The following SRPK3 variants were observed in gnomAD, a reference collection of about 807,000 sequenced individuals.
SRPK3 encodes SRSF protein kinase 3, also known as SFRS protein kinase 3.
Under a neutral mutation model 45.3 loss-of-function variants are expected in SRPK3, and 26 were observed. The observed-to-expected ratio is 0.57, with a 90% CI of 0.42 to 0.80. The LOEUF is 0.80. SRPK3 is among the 30% of genes least tolerant of loss of function. SRPK3 has a pLI of 0.00. For synonymous variants in SRPK3, 254 were observed against 226.6 expected, an observed-to-expected ratio of 1.12 and a Z score of -1.09; for missense variants, 536 against 514.5, an observed-to-expected ratio of 1.04 and a Z score of -0.40.
intron 8 of SRPK3, 24 bp from the exon 9 acceptor site, chrX:153,783,728 C>T: frequency 8.3e-7 from 1 of 1,209,582 alleles, no homozygotes. Flanking sequence ...GACAGGAACC[C>T]TGGGGTGACC....
At position 153,781,136 on chromosome X, in the gene SRPK3, G is replaced by C; in HGVS notation, c.50G>C (p.Ser17Thr). 3.5e-6 allele frequency: 4 copies of C among 1,156,560 alleles called. No homozygotes were observed. Among genetic ancestry groups the C allele is most frequent in the Non-Finnish European group, 4.6e-6 (4 of 868,980 alleles). ...GGGGACAGCGGCGGCAGCGGCGGCA[G>C]TAGCAGCAGGTAGGGCTCGGCTGGG... is the stretch of plus-strand genomic sequence containing the variant. ...GGGDSGGSGGSSSSSQASCGP... is the reference protein window; with the variant it reads ...GGGDSGGSGGTSSSSQASCGP... Residue 17 changes from serine (S) to threonine (T), a missense_variant, in exon 1 of 15, where the codon AGT (serine) becomes ACT (threonine). Transcript: ENST00000370101.
rs782105759 is a variant in SRPK3, at chrX:153,785,181, C to A, written c.1519+8C>A. ...AGTTCTTCAACCGGAGAGGTGAGGG[C>A]CCGGGCAGCCTCAGGCCATGTGGCT... On this transcript the variant is annotated splice_region_variant and intron_variant, in intron 14 of 14. Transcript: ENST00000370101. 1 of 1,205,466 alleles carries A rather than the reference C, an allele frequency of 8.3e-7. No homozygotes were observed. The highest frequency in any genetic ancestry group is 1.1e-6 in the Non-Finnish European group (1 of 892,390).
intron 9 of SRPK3, 43 bp from the exon 10 acceptor site, chrX:153,783,931 G>A: frequency 2.5e-6 from 3 of 1,196,630 alleles, no homozygotes; most frequent in Non-Finnish European, 3.4e-6. Flanking sequence ...AGCAAAGGCT[G>A]CAAGACATCT....
intron 11 of SRPK3, 75 bp from the exon 12 acceptor site, chrX:153,784,675 C>T (rs782393885): frequency 3.1e-5 from 35 of 1,124,681 alleles, no homozygotes; most frequent in African/African-American, 8.9e-5. Flanking sequence ...GTAGGCGGAT[C>T]GGGGTGGGGC....
rs375627608 is a variant in SRPK3, at chrX:153,783,110, G to A, written c.740G>A (p.Arg247His). Residue 247 changes from arginine to histidine, a missense_variant, in exon 7 of 15, where the codon CGC becomes CAC. Transcript: ENST00000370101. ...WQQAGAPPPS[R>H]SIVSTAPQEV... ...CAGGCAGGGGCGCCGCCCCCCTCCCGCTCCATAGGTACCAAGGGCCCACAT... is the reference window on the plus strand; with the variant it reads ...CAGGCAGGGGCGCCGCCCCCCTCCCACTCCATAGGTACCAAGGGCCCACAT... 202 of 1,164,933 alleles carry A rather than the reference G, an allele frequency of 1.7e-4. No homozygotes were observed. Among genetic ancestry groups the A allele is most frequent in the Non-Finnish European group, 2.2e-4 (193 of 874,359 alleles).
At position 153,785,164 on chromosome X, in the gene SRPK3, A is replaced by G; in HGVS notation, c.1510A>G (p.Asn504Asp). The G allele has an allele frequency of 2.5e-6, 3 of 1,208,659 alleles. No individual in the cohort carries two copies. Among genetic ancestry groups the G allele is most frequent in the Non-Finnish European group, 3.4e-6 (3 of 894,404 alleles). The change falls in exon 14 of 15, where the codon AAC becomes GAC. Residue 504 changes from asparagine (N) to aspartate (D), a missense_variant. Coordinates refer to ENST00000370101, the MANE Select transcript of SRPK3 (RefSeq NM_014370.4). ...AGGCCGCTATTCCCGGGAGTTCTTC[A>G]ACCGGAGAGGTGAGGGCCCGGGCAG... ...LSGRYSREFF[N>D]RRGELRHIHN...
chrX:153,785,595 C>T lies in SRPK3; in HGVS notation c.*75C>T. 1.2e-5 allele frequency: 13 copies of T among 1,115,943 alleles called. No homozygotes were observed. The highest frequency in any genetic ancestry group is 4.1e-5 in the South Asian group (2 of 48,769). 92.0% of individuals were successfully genotyped at this position (1,115,943 alleles called of 1,213,427 possible). ...GGACAGCTCCCACCACCCTGCTGGG[C>T]GCCAGTTCTCCACAACCACAGGGCA... On this transcript the variant is annotated 3_prime_UTR_variant, in exon 15 of 15. Transcript: ENST00000370101.
chrX:153,781,879 G>A, intron 4 of SRPK3, 49 bp downstream of exon 4: 4 of 1,179,246 alleles, frequency 3.4e-6, no homozygotes, highest in Non-Finnish European at 3.4e-6. Flanking sequence ...GCTGCCTGGG[G>A]CCTGGCAATG....
In SRPK3 at chrX:153,785,131, G is replaced by A. The variant is rs782248635; in HGVS notation, c.1477G>A (p.Ala493Thr). ...ELLGDIPPAF[A>T]LSGRYSREFF... ...TCTGGGGGACATCCCCCCAGCCTTCGCCCTCTCAGGCCGCTATTCCCGGGA... is the reference window on the plus strand; with the variant it reads ...TCTGGGGGACATCCCCCCAGCCTTCACCCTCTCAGGCCGCTATTCCCGGGA... Residue 493 changes from alanine to threonine, a missense_variant, in exon 14 of 15, where the codon GCC (alanine) becomes ACC (threonine). By Grantham distance (58) the Ala-to-Thr change is moderately conservative. Transcript: ENST00000370101. 2 of 1,210,070 alleles carry A rather than the reference G, an allele frequency of 1.7e-6. No homozygotes were observed. The highest frequency in any genetic ancestry group is 1.1e-6 in the Non-Finnish European group (1 of 895,019).
At chrX:153,781,883 G>A (rs1025173065) in intron 4 of SRPK3, 53 bp downstream of exon 4, 1 of 1,169,114 alleles carries the variant, frequency 8.6e-7, no homozygotes, top group Non-Finnish European at 1.2e-6. Context: ...CCTGGGGCCT[G>A]GCAATGCGGG....
chrX:153,783,664 T>C, intron 8 of SRPK3, 88 bp from the exon 9 acceptor site: 1 of 1,173,177 alleles, frequency 8.5e-7, no homozygotes, highest in African/African-American at 1.8e-5. Context: ...CGGAGAGGCC[T>C]CTTCCCTGGC....
chrX:153,782,886 C>A lies in SRPK3; in HGVS notation c.582+8C>A, dbSNP rs371188111. The A allele has an allele frequency of 8.3e-7, 1 of 1,206,041 alleles. No homozygotes were observed. Among genetic ancestry groups the A allele is most frequent in the Admixed American group, 2.2e-5 (1 of 45,815 alleles). ...AAGAGCATCGTGAGGCAGGTGAGTG[C>A]CACCCACTGGGCTGCCCAGCCTGGC... On this transcript the variant is annotated splice_region_variant and intron_variant, in intron 6 of 14. Transcript: ENST00000370101.
rs1557067772 is a variant in SRPK3, at chrX:153,783,726, C to T, written c.775-26C>T. The T allele has an allele frequency of 5.0e-6, 6 of 1,208,249 alleles. No homozygotes were observed. In the Admixed American group the frequency reaches 6.5e-5, roughly 13 times the overall value. On this transcript the variant is annotated intron_variant, in intron 8 of 14. Transcript: ENST00000370101. ...TGCTGACTGGGGCGGGCGACAGGAA[C>T]CCTGGGGTGACCCTGGCTCTGACAG... is the stretch of plus-strand genomic sequence containing the variant.
At chrX:153,782,003 G>A in intron 4 of SRPK3, 118 bp from the exon 5 acceptor site, 4 of 867,351 alleles carry the variant, frequency 4.6e-6, no homozygotes, top group East Asian at 6.3e-5. Context: ...GGGACAGGAG[G>A]GGTTGGCGGC....
Position 153,785,628 on chromosome X carries a change from G to A in SRPK3, c.*108G>A, listed in dbSNP as rs1457562247. 2.2e-5 allele frequency: 22 copies of A among 1,008,300 alleles called. No individual in the cohort carries two copies. Among genetic ancestry groups the A allele is most frequent in the African/African-American group, 1.1e-4 (6 of 52,619 alleles). 83.1% of individuals were successfully genotyped at this position (1,008,300 alleles called of 1,213,427 possible). ...CTCCACAACCACAGGGCAGAGAGAC[G>A]CTGGAGCCAGGCCCGGCTCTCAGAG... On this transcript the variant is annotated 3_prime_UTR_variant, in exon 15 of 15. Coordinates refer to ENST00000370101, the MANE Select transcript of SRPK3 (RefSeq NM_014370.4).
Position 153,785,471 on chromosome X carries a change from A to T in SRPK3, c.1655A>T (p.Lys552Met). Residue 552 changes from lysine (K) to methionine (M), a missense_variant, in exon 15 of 15, where the codon AAG becomes ATG. Transcript: ENST00000370101. ...CCCATGATGGAGTACATCCCCGAAA[A>T]GCGGGCCAGTGCCGCTGACTGCCTC... ...LLPMMEYIPE[K>M]RASAADCLQH... The T allele has an allele frequency of 8.3e-7, 1 of 1,210,630 alleles. No homozygotes were observed. The highest frequency in any genetic ancestry group is 1.1e-6 in the Non-Finnish European group (1 of 895,075).
rs2092067381 is a variant in SRPK3, at chrX:153,783,882, A to T, written c.905A>T (p.Glu302Val). 1.7e-6 allele frequency: 2 copies of T among 1,188,755 alleles called. No homozygotes were observed. The highest frequency in any genetic ancestry group is 2.3e-6 in the Non-Finnish European group (2 of 885,024). The change falls in exon 9 of 15, where the codon GAG becomes GTG. Residue 302 changes from glutamate to valine, a missense_variant and splice_region_variant. Coordinates refer to ENST00000370101, the MANE Select transcript of SRPK3 (RefSeq NM_014370.4). ...LEAMEAATQA[E>V]DSGLRLDGGS... ...GCCATGGAGGCTGCCACCCAGGCTGAGGGTGAGGGGCCACAGAGGGTGATG... is the reference window on the plus strand; with the variant it reads ...GCCATGGAGGCTGCCACCCAGGCTGTGGGTGAGGGGCCACAGAGGGTGATG...
intron 7 of SRPK3, 34 bp from the exon 8 acceptor site, chrX:153,783,192 G>GCCCCCCCCCCCCCCCCCCCCCCCCCC: frequency 2.1e-6 from 2 of 964,946 alleles, no homozygotes; most frequent in Non-Finnish European, 2.9e-6. Flanking sequence ...GTTCCTCCCT[G>GCCCCCCCCCCCCCCCCCCCCCCCCCC]TCCCCCCCCA....
At position 153,782,125 on chromosome X, in the gene SRPK3, G is replaced by A. The variant is rs781831647; in HGVS notation, c.392G>A (p.Arg131Gln). 103 of 1,209,381 alleles carry A rather than the reference G, an allele frequency of 8.5e-5. No individual in the cohort carries two copies. Among genetic ancestry groups the A allele is most frequent in the Admixed American group, 6.7e-4 (31 of 45,930 alleles). ...GCCCCTTGGCTTTTGCTCCAGGTCCGGGACAGCGACCCCAGTGACCCCAAA... is the reference window on the plus strand; with the variant it reads ...GCCCCTTGGCTTTTGCTCCAGGTCCAGGACAGCGACCCCAGTGACCCCAAA... ...VDEIKLLKCV[R>Q]DSDPSDPKRE... Residue 131 changes from arginine to glutamine, a missense_variant, in exon 5 of 15, where the codon CGG (arginine) becomes CAG (glutamine). Physicochemically the swap from Arg to Gln is conservative, Grantham distance 43. Coordinates refer to ENST00000370101, the MANE Select transcript of SRPK3 (RefSeq NM_014370.4).
Sources: gnomAD v4.1 joint callset for allele counts on GRCh38, gnomAD v4.1.1 for gene constraint, MANE v1.5 for transcripts, NCBI Gene and HGNC (gene_info 2026-07-23, HGNC 2026-07-21) for gene names.